RYR3: variants seen among roughly 807,000 people sequenced by gnomAD.
The protein encoded by RYR3 is brain ryanodine receptor-calcium release channel.
A neutral mutation model predicts 584.3 loss-of-function variants in RYR3; 207 were observed. That is an observed-to-expected ratio of 0.35 (90% CI 0.32 to 0.40). The LOEUF is 0.40. Ranked by LOEUF, RYR3 falls within the 10% of genes least tolerant of loss-of-function variation. The pLI, the probability that RYR3 is intolerant of heterozygous loss-of-function variation, is 1.00. For missense variants in RYR3, 5,616 were observed against 6,089.2 expected (o/e 0.92, Z 2.59); for synonymous variants, 2,416 against 2,248.5 (o/e 1.07, Z -2.11).
At chr15:33,585,610 C>A (rs1323507097) in intron 15 of RYR3, among the ~76,000 whole-genome samples, 1 of 152,108 alleles carries the variant, frequency 6.6e-6, no homozygotes, top group Non-Finnish European at 1.5e-5. Context: ...ACTTGAATGA[C>A]CTTTAGAATT....
chr15:33,506,649 G>A (rs1263037652), intron 3 of RYR3, among the ~76,000 whole-genome samples: 1 of 152,148 alleles, frequency 6.6e-6, no homozygotes, highest in Non-Finnish European at 1.5e-5. Flanking sequence ...TTACTTTACT[G>A]TGCATTGATG....
At chr15:33,367,520 G>A (rs962410814) in intron 1 of RYR3, among the ~76,000 whole-genome samples, 3 of 152,192 alleles carry the variant, frequency 2.0e-5, no homozygotes, top group African/African-American at 7.2e-5. Context: ...CCAGTCATAA[G>A]AATATAAGAG....
rs199973964 is a variant in RYR3, at chr15:33,785,879, C to G, written c.9486C>G (p.Thr3162=). The part of the protein sequence containing the change: ...NLPPSTGPCC[T]KVTSEHLSLI... ...CCCCCAGCACAGGGCCATGCTGCAC[C>G]AAGGTCACCTCTGAACACCTCAGTC... The change falls in exon 66 of 104, where the codon ACC becomes ACG. Residue 3162 remains threonine, a synonymous_variant. Transcript: ENST00000634891. The G allele has an allele frequency of 6.2e-7, 1 of 1,613,860 alleles. No homozygotes were observed. Among genetic ancestry groups the G allele is most frequent in the African/African-American group, 1.3e-5 (1 of 74,992 alleles).
chr15:33,699,939 AT>A, intron 41 of RYR3, 106 bp downstream of exon 41: 1 of 1,105,320 alleles, frequency 9.0e-7, no homozygotes. Context: ...ACGCTGTGAT[AT>A]TTGTAAATAC....
At position 33,310,986 on chromosome 15, in the gene RYR3, GCGGCTGCCGGGGGAAGCAGAGGCGC is replaced by G; in HGVS notation, c.-56_-32del. On this transcript the variant is annotated 5_prime_UTR_variant, in exon 1 of 104. Coordinates refer to ENST00000634891, the MANE Select transcript of RYR3 (RefSeq NM_001036.6). ...CGCAGCAGCAGTCAGCGCACGCCGA[GCGGCTGCCGGGGGAAGCAGAGGCGC>G]CGGAGGCTGGGGCACCGCCGACGCC... 1 of 1,367,176 alleles carries G rather than the reference GCGGCTGCCGGGGGAAGCAGAGGCGC, an allele frequency of 7.3e-7. No homozygotes were observed. Among genetic ancestry groups the G allele is most frequent in the Non-Finnish European group, 1.0e-6 (1 of 982,806 alleles). 84.7% of individuals were successfully genotyped at this position (1,367,176 alleles called of 1,614,324 possible). A position where few individuals can be genotyped will look rare whatever the true frequency, so the allele number is the denominator to read the frequency against.
chr15:33,634,524 A>G, intron 24 of RYR3, 62 bp from the exon 25 acceptor site: 1 of 1,560,016 alleles, frequency 6.4e-7, no homozygotes, highest in African/African-American at 1.4e-5. Context: ...ATATGTGAAT[A>G]GGGTGAGCTG....
At chr15:33,797,279 A>G (rs2075682334) in intron 67 of RYR3, among the ~76,000 whole-genome samples, 1 of 152,120 alleles carries the variant, frequency 6.6e-6, no homozygotes, top group South Asian at 2.1e-4. Flanking sequence ...AGCACTGCAG[A>G]TGATAAAAGA....
rs561127906 is a variant in RYR3 at position 33,696,107 on chromosome 15, T to C, written c.5861-111T>C. 1.1e-5 allele frequency: 12 copies of C among 1,068,886 alleles called. No homozygotes were observed. The Admixed American group carries it at 2.7e-4, about 24-fold the overall frequency. The allele number at this position is 1,068,886 out of a possible 1,614,324, so 66.2% of individuals were successfully genotyped here. On this transcript the variant is annotated intron_variant, in intron 38 of 103. Transcript: ENST00000634891. The stretch of plus-strand genomic sequence containing the variant: ...ACTGCACATTGCCTATAATAAGAAT[T>C]TTGTAACCTCAACCAATGATGTGTC...
intron 3 of RYR3, among the ~76,000 whole-genome samples, chr15:33,529,378 T>C (rs983234426): frequency 6.6e-6 from 1 of 152,170 alleles, no homozygotes; most frequent in African/African-American, 2.4e-5. Flanking sequence ...CCAAATAGAA[T>C]TGAAATAAAA....
intron 38 of RYR3, among the ~76,000 whole-genome samples, chr15:33,677,995 G>A (rs1316320969): frequency 2.6e-5 from 4 of 152,168 alleles, no homozygotes; most frequent in South Asian, 2.1e-4. Flanking sequence ...TTCAATTGAA[G>A]CGTTGCTTTG....
Position 33,694,506 on chromosome 15 carries a change from A to G in RYR3, c.5861-1712A>G, listed in dbSNP as rs537207516. ...TGATCCACCCACCTCGGCCTCCCAA[A>G]GTGCTGGGATTACAGGCGTGAGCCA... On this transcript the variant is annotated intron_variant, in intron 38 of 103. Transcript: ENST00000634891. 1.7e-3 allele frequency among the ~76,000 whole-genome samples: 263 copies of G among 152,238 alleles called. 2 individuals are homozygous for G. The highest frequency in any genetic ancestry group is 6.0e-3 in the African/African-American group (250 of 41,544).
intron 3 of RYR3, among the ~76,000 whole-genome samples, chr15:33,519,218 CTCT>C (rs1259393987): frequency 6.6e-6 from 1 of 152,158 alleles, no homozygotes; most frequent in African/African-American, 2.4e-5. Flanking sequence ...GGGCTGGAAA[CTCT>C]TCTTCTGAGA....
intron 61 of RYR3, 60 bp from the exon 62 acceptor site, chr15:33,769,052 T>A (rs1275904290): frequency 7.8e-7 from 1 of 1,279,156 alleles, no homozygotes; most frequent in African/African-American, 1.5e-5. Flanking sequence ...TGGAGAAGAC[T>A]GCATTTGAAA....
intron 3 of RYR3, among the ~76,000 whole-genome samples, chr15:33,505,806 T>A (rs1035034571): frequency 4.6e-5 from 7 of 152,128 alleles, no homozygotes; most frequent in African/African-American, 1.4e-4. Context: ...AACTTTTTTT[T>A]AATTGATCAC....
At chr15:33,507,024 CA>C (rs1203299278) in intron 3 of RYR3, among the ~76,000 whole-genome samples, 6 of 152,134 alleles carry the variant, frequency 3.9e-5, no homozygotes, top group African/African-American at 1.4e-4. Context: ...TTTAAATAGA[CA>C]TTGCTTTCAC....
chr15:33,795,071 C>T (rs2075512200), intron 67 of RYR3, among the ~76,000 whole-genome samples: 1 of 152,180 alleles, frequency 6.6e-6, no homozygotes. Flanking sequence ...CACAAAATTA[C>T]TCTAATCCCT....
At position 33,865,981 on chromosome 15, in the gene RYR3, A is replaced by C. The variant is rs1890388225; in HGVS notation, c.*755A>C. The stretch of plus-strand genomic sequence containing the variant: ...ACTGAAAATTCAGAAAAAAAATCTC[A>C]ACCTTATGCCAAAATGGAGTAATGC... On this transcript the variant is annotated 3_prime_UTR_variant, in exon 104 of 104. Coordinates refer to ENST00000634891, the MANE Select transcript of RYR3 (RefSeq NM_001036.6). 1 of 152,840 alleles carries C rather than the reference A, an allele frequency of 6.5e-6. No individual in the cohort carries two copies. The highest frequency in any genetic ancestry group is 6.5e-5 in the Admixed American group (1 of 15,300). 9.5% of individuals were successfully genotyped at this position (152,840 alleles called of 1,614,324 possible). A position where few individuals can be genotyped will look rare whatever the true frequency, so the allele number is the denominator to read the frequency against.
rs577496539 is a variant in RYR3 at position 33,664,589 on chromosome 15, G to GTGTGTGTGTGTA, written c.5619+853_5619+854insGTGTGTGTGTAT. ...TATATAGATATATGTGTGTGTGTGT[G>GTGTGTGTGTGTA]TATATATATATATATATATATATAT... On this transcript the variant is annotated intron_variant, in intron 36 of 103. Coordinates refer to ENST00000634891, the MANE Select transcript of RYR3 (RefSeq NM_001036.6). 5.5e-5 allele frequency among the ~76,000 whole-genome samples: 5 copies of GTGTGTGTGTGTA among 91,380 alleles called. No homozygotes were observed. In the South Asian group the frequency reaches 2.0e-3, roughly 37 times the overall value. 59.9% of individuals were successfully genotyped at this position (91,380 alleles called of 152,430 possible). A position where few individuals can be genotyped will look rare whatever the true frequency, so the allele number is the denominator to read the frequency against.
intron 60 of RYR3, among the ~76,000 whole-genome samples, chr15:33,759,751 C>T (rs921118699): frequency 7.2e-5 from 11 of 152,136 alleles, no homozygotes; most frequent in Non-Finnish European, 1.2e-4. Context: ...ACTCCCCTAA[C>T]CTAACAAGAC....
Sources: allele counts gnomAD v4.1 joint callset (sites outside exome capture counted in the v4.1 genomes callset), GRCh38; gene constraint gnomAD v4.1.1; transcripts MANE v1.5; gene names NCBI Gene and HGNC (gene_info 2026-07-23, HGNC 2026-07-21).